The following DOCK8 variants were observed in gnomAD, a reference collection of about 807,000 sequenced individuals.
DOCK8 encodes the protein dedicator of cytokinesis protein 8.
DOCK8 carries 141 observed loss-of-function variants against 245.6 expected under a neutral mutation model. The ratio of observed to expected loss-of-function variants is 0.57; its 90% CI spans 0.50 to 0.66. The LOEUF is 0.66. Ranked by LOEUF, DOCK8 falls within the 30% of genes least tolerant of loss-of-function variation. The probability of loss-of-function intolerance (pLI) is 0.00; values close to 1 mark genes in which losing one functional copy is unlikely to be tolerated. For missense variants in DOCK8, 2,965 were observed against 2,603.4 expected (o/e 1.14, Z -3.02); for synonymous variants, 1,168 against 970.2 (o/e 1.20, Z -3.79).
At chr9:317,587 C>G (rs541784748) in intron 7 of DOCK8, among the ~76,000 whole-genome samples, 124 of 152,240 alleles carry the variant, frequency 8.1e-4, no homozygotes, top group African/African-American at 2.9e-3. Context: ...CCCTCAGCAC[C>G]CGGAGATTAT....
intron 1 of DOCK8, among the ~76,000 whole-genome samples, chr9:218,812 G>C (rs930782590): frequency 6.6e-6 from 1 of 152,170 alleles, no homozygotes; most frequent in African/African-American, 2.4e-5. Context: ...TTGAAAGGAA[G>C]AAAAAATAAT....
At chr9:332,976 GAAAT>G (rs895375754) in intron 10 of DOCK8, among the ~76,000 whole-genome samples, 19 of 152,142 alleles carry the variant, frequency 1.2e-4, no homozygotes, top group African/African-American at 4.3e-4. Context: ...ATTTTTTAGA[GAAAT>G]AAATCCTTGA....
At chr9:248,571 TTC>T (rs988352684) in intron 1 of DOCK8, among the ~76,000 whole-genome samples, 5 of 99,946 alleles carry the variant, frequency 5.0e-5, no homozygotes, top group African/African-American at 1.2e-4. Context: ...CTTTCTTTCT[TTC>T]TCTCTCTCTG....
intron 44 of DOCK8, among the ~76,000 whole-genome samples, chr9:448,332 T>C (rs905981961): frequency 2.0e-5 from 3 of 152,216 alleles, no homozygotes; most frequent in African/African-American, 7.2e-5. Flanking sequence ...GGTCTCAAAC[T>C]GTTGGCCTCA....
chr9:273,482 C>T lies in DOCK8; in HGVS notation c.156+1753C>T, dbSNP rs2048223066. Among the ~76,000 whole-genome samples the T allele has an allele frequency of 4.6e-5, 7 of 152,054 alleles. No individual in the cohort carries two copies. The South Asian group carries it at 1.5e-3, about 32-fold the overall frequency. ...GACTGAAGTTGTATTCCAAAACATG[C>T]AAAATTTAGTTTAAAATAGATTGGA... On this transcript the variant is annotated intron_variant, in intron 2 of 47. Coordinates refer to ENST00000432829, the MANE Select transcript of DOCK8 (RefSeq NM_203447.4).
chr9:307,344 T>A (rs1352806457), intron 5 of DOCK8, among the ~76,000 whole-genome samples: 1 of 6,958 alleles, frequency 1.4e-4, no homozygotes, highest in African/African-American at 6.2e-4. Flanking sequence ...TTTTGTTTTT[T>A]TTTTTTTTTT....
At position 405,056 on chromosome 9, in the gene DOCK8, C is replaced by T. The variant is rs759102333; in HGVS notation, c.3373C>T (p.Pro1125Ser). 17 of 1,613,662 alleles carry T rather than the reference C, an allele frequency of 1.1e-5. No individual in the cohort carries two copies. The East Asian group carries it at 3.8e-4, about 36-fold the overall frequency. The stretch of plus-strand genomic sequence containing the variant: ...TGATACTGCTCCAACATCTCCTTGT[C>T]CTTCCATATCTTCCCAGGTAATAAA... ...NADTAPTSPC[P>S]SISSQNSSSC... Residue 1125 changes from proline (P) to serine (S), a missense_variant, in exon 27 of 48, where the codon CCT becomes TCT. Pro to Ser is a moderately conservative substitution (Grantham distance 74, BLOSUM62 -1). Transcript: ENST00000432829.
chr9:276,255 C>A (rs1002647348), intron 2 of DOCK8, among the ~76,000 whole-genome samples: 1 of 152,266 alleles, frequency 6.6e-6, no homozygotes, highest in South Asian at 2.1e-4. Context: ...AAAGGTAACA[C>A]TTATTTTGCC....
At chr9:381,285 T>C (rs1033924334) in intron 21 of DOCK8, 1 of 152,242 alleles carries the variant, frequency 6.6e-6, no homozygotes, top group Admixed American at 6.5e-5. Context: ...CACTGGTCTT[T>C]ACCCACTTGC....
At chr9:364,327 C>T (rs746706603) in intron 14 of DOCK8, among the ~76,000 whole-genome samples, 13 of 152,056 alleles carry the variant, frequency 8.5e-5, no homozygotes, top group Non-Finnish European at 1.8e-4. Flanking sequence ...TTTGTACATA[C>T]AGTATGATGA....
rs758218111 is a variant in DOCK8, at chr9:377,016, C to T, written c.2245C>T (p.Leu749=). The part of the protein sequence containing the change: ...LEKFFTLCHS[L]ESQVTFPIRV... ...GAAGTTCTTCACCCTCTGCCACTCC[C>T]TGGAGAGCCAGGTGACCTTCCCCAT... The change falls in exon 20 of 48, where the codon CTG becomes TTG. Residue 749 remains leucine (L), a synonymous_variant. Coordinates refer to ENST00000432829, the MANE Select transcript of DOCK8 (RefSeq NM_203447.4). 1.2e-6 allele frequency: 2 copies of T among 1,613,970 alleles called. No homozygotes were observed. The highest frequency in any genetic ancestry group is 1.7e-5 in the Admixed American group (1 of 60,008).
At chr9:406,532 G>T (rs1010415511) in intron 27 of DOCK8, among the ~76,000 whole-genome samples, 1 of 151,324 alleles carries the variant, frequency 6.6e-6, no homozygotes, top group African/African-American at 2.4e-5. Context: ...AGTAAGCAGG[G>T]CCTTAAACAA....
intron 18 of DOCK8, among the ~76,000 whole-genome samples, chr9:373,726 A>G (rs576144417): frequency 3.6e-4 from 55 of 152,284 alleles, no homozygotes; most frequent in Middle Eastern, 3.4e-3. Context: ...GAGAGAACCA[A>G]CTTTTGCCCT....
intron 46 of DOCK8, among the ~76,000 whole-genome samples, chr9:455,519 A>G (rs2057607670): frequency 6.6e-6 from 1 of 152,106 alleles, no homozygotes; most frequent in African/African-American, 2.4e-5. Context: ...CAAAAAAAGA[A>G]AAAGAAAAAT....
At chr9:319,954 G>A (rs1313944525) in intron 7 of DOCK8, among the ~76,000 whole-genome samples, 1 of 152,208 alleles carries the variant, frequency 6.6e-6, no homozygotes, top group Non-Finnish European at 1.5e-5. Flanking sequence ...TCTTTTAAAT[G>A]CAGATTTTGG....
intron 44 of DOCK8, among the ~76,000 whole-genome samples, chr9:447,711 T>A (rs1307534258): frequency 1.3e-5 from 2 of 152,228 alleles, no homozygotes; most frequent in Non-Finnish European, 1.5e-5. Context: ...ATAACAGGCA[T>A]AATCAAGTTG....
At chr9:326,841 G>A (rs1254818155) in intron 8 of DOCK8, among the ~76,000 whole-genome samples, 4 of 152,206 alleles carry the variant, frequency 2.6e-5, no homozygotes, top group Non-Finnish European at 5.9e-5. Flanking sequence ...TCACTGGAGA[G>A]AATTGAGTCA....
chr9:416,766 C>A (rs575428796), intron 29 of DOCK8, among the ~76,000 whole-genome samples: 3 of 152,238 alleles, frequency 2.0e-5, no homozygotes, highest in East Asian at 1.9e-4. Flanking sequence ...CGATGTCTAC[C>A]TTTTAGGTTT....
At chr9:440,020 T>A (rs945018451) in intron 40 of DOCK8, among the ~76,000 whole-genome samples, 1 of 152,106 alleles carries the variant, frequency 6.6e-6, no homozygotes, top group Non-Finnish European at 1.5e-5. Context: ...CTCTTGTCTA[T>A]TTTCTTTTCT....
Sources: allele counts gnomAD v4.1 joint callset (sites outside exome capture counted in the v4.1 genomes callset), GRCh38; gene constraint gnomAD v4.1.1; transcripts MANE v1.5; gene names NCBI Gene and HGNC (gene_info 2026-07-23, HGNC 2026-07-21).